The following PRMT7 variants were observed in gnomAD, a reference collection of about 807,000 sequenced individuals.
The protein encoded by PRMT7 is protein arginine methyltransferase 7.
PRMT7 carries 75 observed loss-of-function variants against 85.4 expected under a neutral mutation model. The observed-to-expected ratio is 0.88, with a 90% CI of 0.73 to 1.06. PRMT7 has a LOEUF of 1.06. Ranked by LOEUF, PRMT7 falls within the 50% of genes least tolerant of loss-of-function variation. The pLI is 0.00. For missense variants in PRMT7, 868 were observed against 915.2 expected (o/e 0.95, Z 0.67); for synonymous variants, 397 against 359.5 (o/e 1.10, Z -1.18).
chr16:68,324,881 C>T, intron 5 of PRMT7, 49 bp downstream of exon 5: 2 of 1,603,898 alleles, frequency 1.2e-6, no homozygotes, highest in South Asian at 1.1e-5. Context: ...ATGGGAAATC[C>T]CCTATGCTCT....
At chr16:68,318,046 C>T (rs564039542) in intron 3 of PRMT7, among the ~76,000 whole-genome samples, 1 of 152,120 alleles carries the variant, frequency 6.6e-6, no homozygotes, top group East Asian at 1.9e-4. Context: ...ACTCTCTTGG[C>T]CAAGTTACTT....
chr16:68,347,341 TAGAGC>T, intron 12 of PRMT7, 47 bp downstream of exon 12: 1 of 1,491,890 alleles, frequency 6.7e-7, no homozygotes, highest in East Asian at 2.5e-5. Flanking sequence ...GCTTGTGAGT[TAGAGC>T]ATTGCGTGGT....
In PRMT7 at chr16:68,311,081, G is replaced by A; in HGVS notation, c.-237G>A. 1.3e-6 allele frequency: 1 copy of A among 759,656 alleles called. No individual in the cohort carries two copies. Among genetic ancestry groups the A allele is most frequent in the South Asian group, 1.5e-5 (1 of 67,654 alleles). 47.1% of individuals were successfully genotyped at this position (759,656 alleles called of 1,614,324 possible). On this transcript the variant is annotated 5_prime_UTR_variant, in exon 1 of 19. Transcript: ENST00000441236. ...AAAAGTGGTAGCAGCGGAGGCGAGC[G>A]GAGGGTTTCCCGCGGCGGGTGAGGC...
At chr16:68,355,325 C>T (rs950727745) in intron 16 of PRMT7, 18 of 159,154 alleles carry the variant, frequency 1.1e-4, no homozygotes, top group Non-Finnish European at 1.8e-4. Context: ...CCCAGCCTGC[C>T]GCCAGGCACC....
At chr16:68,340,780 G>A (rs2085407629) in intron 9 of PRMT7, among the ~76,000 whole-genome samples, 1 of 152,182 alleles carries the variant, frequency 6.6e-6, no homozygotes, top group Non-Finnish European at 1.5e-5. Context: ...ATTTGCGTCT[G>A]TGCAGAATAG....
intron 1 of PRMT7, chr16:68,311,714 C>G (rs974055738): frequency 6.6e-6 from 1 of 152,214 alleles, no homozygotes; most frequent in Non-Finnish European, 1.5e-5. Flanking sequence ...CTAGTTCTTT[C>G]TACCTTAGGG....
chr16:68,331,070 C>G (rs2083813315), intron 6 of PRMT7, among the ~76,000 whole-genome samples: 2 of 152,200 alleles, frequency 1.3e-5, no homozygotes, highest in African/African-American at 4.8e-5. Context: ...ACATCTCCAT[C>G]ATGCCCAAAG....
chr16:68,348,257 A>G (rs2151852073), intron 13 of PRMT7, 85 bp from the exon 14 acceptor site: 1 of 1,134,242 alleles, frequency 8.8e-7, no homozygotes, highest in East Asian at 2.4e-5. Context: ...TTCAAAGCGG[A>G]GAATGCAACT....
At chr16:68,314,527 C>T (rs1433975357) in intron 2 of PRMT7, among the ~76,000 whole-genome samples, 1 of 152,174 alleles carries the variant, frequency 6.6e-6, no homozygotes, top group South Asian at 2.1e-4. Context: ...CCACCGTGCC[C>T]AGCCTGTTTC....
chr16:68,314,036 A>G (rs971497628), intron 2 of PRMT7, among the ~76,000 whole-genome samples: 3 of 152,240 alleles, frequency 2.0e-5, no homozygotes, highest in African/African-American at 7.2e-5. Flanking sequence ...GTATGCGTAC[A>G]TGCAGGTATG....
chr16:68,355,790 G>T lies in PRMT7; in HGVS notation c.1718G>T (p.Ser573Ile), dbSNP rs61745807. 7.9e-5 allele frequency: 128 copies of T among 1,611,670 alleles called. 1 individual carries two copies. In the South Asian group the frequency reaches 1.4e-3, roughly 18 times the overall value. The change falls in exon 17 of 19, where the codon AGC becomes ATC. Residue 573 changes from serine (S) to isoleucine (I), a missense_variant. Transcript: ENST00000441236. ...CCGCTGTGGGAGTACCCATGCCGCA[G>T]CCTCTCCGAGCCCTGGCAGATCCTG... Reference protein sequence around the residue: ...PHPLWEYPCRSLSEPWQILTF... With the variant: ...PHPLWEYPCRILSEPWQILTF...
chr16:68,328,793 T>C (rs2083453110), intron 5 of PRMT7, among the ~76,000 whole-genome samples: 1 of 152,138 alleles, frequency 6.6e-6, no homozygotes, highest in East Asian at 1.9e-4. Flanking sequence ...GGCGTCCTCT[T>C]GTGCGGTACT....
At chr16:68,337,180 A>C (rs777112866) in intron 6 of PRMT7, among the ~76,000 whole-genome samples, 2 of 152,096 alleles carry the variant, frequency 1.3e-5, no homozygotes, top group Non-Finnish European at 2.9e-5. Flanking sequence ...CCCAATATTA[A>C]GCATACAGAA....
intron 11 of PRMT7, 110 bp downstream of exon 11, chr16:68,346,390 T>A: frequency 6.6e-7 from 1 of 1,503,944 alleles, no homozygotes; most frequent in Non-Finnish European, 9.0e-7. Context: ...TGTCCTCTTG[T>A]CTATGAGTGG....
At chr16:68,332,921 G>C (rs2084110496) in intron 6 of PRMT7, among the ~76,000 whole-genome samples, 1 of 152,156 alleles carries the variant, frequency 6.6e-6, no homozygotes, top group Admixed American at 6.5e-5. Context: ...ATTTTGCCCA[G>C]TTTTCTAGTT....
At chr16:68,341,435 G>T (rs986251908) in intron 9 of PRMT7, among the ~76,000 whole-genome samples, 4 of 152,178 alleles carry the variant, frequency 2.6e-5, no homozygotes, top group Admixed American at 6.5e-5. Context: ...TTGAGATGGA[G>T]TTTCGTTCTT....
chr16:68,346,359 T>A (rs1007815453), intron 11 of PRMT7, 79 bp downstream of exon 11: 68 of 1,590,476 alleles, frequency 4.3e-5, no homozygotes, highest in African/African-American at 6.7e-5. Flanking sequence ...ACTTTGCTTA[T>A]GATTTGCTGT....
intron 2 of PRMT7, among the ~76,000 whole-genome samples, chr16:68,314,379 C>T (rs778971095): frequency 6.6e-6 from 1 of 152,130 alleles, no homozygotes; most frequent in African/African-American, 2.4e-5. Flanking sequence ...TACAGACGTG[C>T]GCCACCATGT....
chr16:68,347,434 G>T (rs1409687768), intron 12 of PRMT7, 140 bp downstream of exon 12: 1 of 1,071,592 alleles, frequency 9.3e-7, no homozygotes, highest in Non-Finnish European at 1.3e-6. Context: ...TCAGGGGCTG[G>T]GGGGTTTATT....
Sources: allele counts gnomAD v4.1 joint callset (sites outside exome capture counted in the v4.1 genomes callset), GRCh38; gene constraint gnomAD v4.1.1; transcripts MANE v1.5; gene names NCBI Gene and HGNC (gene_info 2026-07-23, HGNC 2026-07-21).